The following SCIMP variants were observed in gnomAD, a reference collection of about 807,000 sequenced individuals.
SCIMP encodes the protein SLP adaptor and CSK interacting membrane protein.
In SCIMP, 18 loss-of-function variants were observed where a neutral mutation model predicts 22.0. The observed-to-expected ratio is 0.82, with a 90% CI of 0.56 to 1.21. The LOEUF (loss-of-function observed/expected upper bound fraction) is 1.21, where lower values mean the gene tolerates loss of function less well. SCIMP is among the 50% of genes most tolerant of loss of function. The pLI is 0.00. For synonymous variants in SCIMP, 53 were observed against 62.2 expected, an observed-to-expected ratio of 0.85 and a Z score of 0.70; for missense variants, 155 against 171.2, an observed-to-expected ratio of 0.91 and a Z score of 0.53.
chr17:5,233,354 T>C (rs1235368616), intron 1 of SCIMP, among the ~76,000 whole-genome samples: 4 of 140,896 alleles, frequency 2.8e-5, no homozygotes, highest in African/African-American at 1.0e-4. Flanking sequence ...TGTCCCTTCC[T>C]TGCTTTAAGC....
intron 2 of SCIMP, among the ~76,000 whole-genome samples, chr17:5,222,281 C>T (rs773182988): frequency 1.1e-4 from 16 of 151,278 alleles, no homozygotes; most frequent in South Asian, 4.2e-4. Flanking sequence ...TAAGTAGAAA[C>T]GGGGTTTCAC....
At chr17:5,217,448 C>A (rs1049125206) in intron 3 of SCIMP, among the ~76,000 whole-genome samples, 4 of 151,234 alleles carry the variant, frequency 2.6e-5, no homozygotes, top group Non-Finnish European at 4.4e-5. Flanking sequence ...TTTTAGGGTA[C>A]ATGTGCACAA....
At chr17:5,217,736 A>G (rs1254869137) in intron 3 of SCIMP, among the ~76,000 whole-genome samples, 1 of 152,024 alleles carries the variant, frequency 6.6e-6, no homozygotes, top group Non-Finnish European at 1.5e-5. Flanking sequence ...TACAAAGGAC[A>G]TGAACTCATC....
chr17:5,221,846 C>A (rs2074610241), intron 2 of SCIMP, among the ~76,000 whole-genome samples: 1 of 152,180 alleles, frequency 6.6e-6, no homozygotes, highest in Admixed American at 6.6e-5. Context: ...AATCTCGGCT[C>A]ACTGCAACCT....
chr17:5,221,144 G>A, intron 3 of SCIMP, 143 bp downstream of exon 3: 2 of 733,124 alleles, frequency 2.7e-6, no homozygotes, highest in Admixed American at 2.0e-5. Flanking sequence ...CTTATGTGGA[G>A]AGATTTGGCA....
chr17:5,214,898 A>G (rs1030725006), intron 4 of SCIMP, 27 bp downstream of exon 4: 4 of 1,311,672 alleles, frequency 3.0e-6, no homozygotes, highest in Middle Eastern at 3.7e-4. Flanking sequence ...ACCCTAAATG[A>G]AACTGCTACC....
At chr17:5,218,402 C>T (rs535012342) in intron 3 of SCIMP, among the ~76,000 whole-genome samples, 2 of 151,834 alleles carry the variant, frequency 1.3e-5, no homozygotes, top group Admixed American at 6.6e-5. Context: ...TGCAGTGGCA[C>T]GATCTTGGAT....
intron 1 of SCIMP, among the ~76,000 whole-genome samples, chr17:5,230,137 G>A (rs1378978732): frequency 6.6e-6 from 1 of 152,106 alleles, no homozygotes; most frequent in Non-Finnish European, 1.5e-5. Flanking sequence ...AGAGGGAATA[G>A]GTTTCCTGTT....
chr17:5,210,719 C>A lies in SCIMP; in HGVS notation c.*82G>T, dbSNP rs76257348. On this transcript the variant is annotated 3_prime_UTR_variant, in exon 5 of 5. Coordinates refer to ENST00000574081, the MANE Select transcript of SCIMP (RefSeq NM_207103.3). ...CTGGCTTTCAGGGCCCAGAGACCTA[C>A]TGAAGTTCAACCATTCTTGATTGTT... 0.064 allele frequency: 97,438 copies of A among 1,528,918 alleles called. 3,462 individuals are homozygous for A. Among genetic ancestry groups the A allele is most frequent in the East Asian group, 0.15 (6,774 of 44,230 alleles). The allele number at this position is 1,528,918 out of a possible 1,614,324, so 94.7% of individuals were successfully genotyped here.
chr17:5,209,452 G>A lies in SCIMP; in HGVS notation c.*1349C>T, dbSNP rs1475296112. ...TAGAGTCTGGAAAGAGAGAACCAGGGAGGAAGCCCAGGTCCCCAGTGCTCC... is the reference window on the plus strand; with the variant it reads ...TAGAGTCTGGAAAGAGAGAACCAGGAAGGAAGCCCAGGTCCCCAGTGCTCC... On this transcript the variant is annotated 3_prime_UTR_variant, in exon 5 of 5. Transcript: ENST00000574081. 1.3e-5 allele frequency: 2 copies of A among 152,330 alleles called. No homozygotes were observed. The highest frequency in any genetic ancestry group is 1.9e-4 in the East Asian group (1 of 5,192). The allele number at this position is 152,330 out of a possible 1,614,324, so 9.4% of individuals were successfully genotyped here.
At chr17:5,218,637 C>T (rs567486864) in intron 3 of SCIMP, among the ~76,000 whole-genome samples, 2 of 152,254 alleles carry the variant, frequency 1.3e-5, no homozygotes, top group East Asian at 3.9e-4. Context: ...CTGCACCTGG[C>T]CCCAGTTTTA....
rs191647889 is a variant in SCIMP at position 5,212,158 on chromosome 17, G to A, written c.284-1203C>T. Reference sequence around the variant, plus strand: ...CTCAGCTCCATCTTTGATGGGGATTGGAACTGCCTCTCCCACAATCTCATC... The same window carrying A: ...CTCAGCTCCATCTTTGATGGGGATTAGAACTGCCTCTCCCACAATCTCATC... On this transcript the variant is annotated intron_variant, in intron 4 of 4. Transcript: ENST00000574081. 4.2e-4 allele frequency among the ~76,000 whole-genome samples: 64 copies of A among 152,346 alleles called. 4 individuals are homozygous for A. Among genetic ancestry groups the A allele is most frequent in the Admixed American group, 3.1e-3 (47 of 15,296 alleles).
intron 1 of SCIMP, among the ~76,000 whole-genome samples, chr17:5,230,497 G>C (rs1439316383): frequency 6.6e-6 from 1 of 152,150 alleles, no homozygotes; most frequent in African/African-American, 2.4e-5. Context: ...ATGAGAAGAA[G>C]GGATGGAAAG....
chr17:5,212,070 A>G (rs934428431), intron 4 of SCIMP, among the ~76,000 whole-genome samples: 3 of 151,880 alleles, frequency 2.0e-5, no homozygotes, highest in Admixed American at 6.6e-5. Flanking sequence ...AGAAAGAAAG[A>G]AAAAGAAACA....
Position 5,210,727 on chromosome 17 carries a change from C to G in SCIMP, c.*74G>C. ...CAGGGCCCAGAGACCTACTGAAGTT[C>G]AACCATTCTTGATTGTTTTAAAATA... On this transcript the variant is annotated 3_prime_UTR_variant, in exon 5 of 5. Coordinates refer to ENST00000574081, the MANE Select transcript of SCIMP (RefSeq NM_207103.3). 1 of 1,542,306 alleles carries G rather than the reference C, an allele frequency of 6.5e-7. No homozygotes were observed. The highest frequency in any genetic ancestry group is 1.4e-5 in the African/African-American group (1 of 72,360).
At chr17:5,217,402 G>C (rs2074572930) in intron 3 of SCIMP, among the ~76,000 whole-genome samples, 1 of 151,530 alleles carries the variant, frequency 6.6e-6, no homozygotes. Context: ...GTGTGTGTGT[G>C]TGTGTGTGTT....
Position 5,214,985 on chromosome 17 carries a change from C to T in SCIMP, c.223G>A (p.Glu75Lys). The change falls in exon 4 of 5, where the codon GAG (glutamate) becomes AAG (lysine). Residue 75 changes from glutamate to lysine, a missense_variant. By Grantham distance (56) the Glu-to-Lys change is moderately conservative. Transcript: ENST00000574081. ...EEKMYENVLN[E>K]SPVQLPPLPP... ...AGAGGCGGTAATTGAACTGGCGACT[C>T]ATTAAGAACATTCCTAGAGAGAGAG... 1 of 1,607,998 alleles carries T rather than the reference C, an allele frequency of 6.2e-7. No homozygotes were observed. The highest frequency in any genetic ancestry group is 1.1e-5 in the South Asian group (1 of 90,938).
intron 1 of SCIMP, among the ~76,000 whole-genome samples, chr17:5,232,406 C>A (rs2074708687): frequency 1.2e-5 from 1 of 86,778 alleles, no homozygotes; most frequent in African/African-American, 3.6e-5. Context: ...ACAGTATAAA[C>A]AGTGCAAACA....
Position 5,226,077 on chromosome 17 carries a change from A to G in SCIMP, c.22-2621T>C, listed in dbSNP as rs1402960663. On this transcript the variant is annotated intron_variant, in intron 1 of 4. Coordinates refer to ENST00000574081, the MANE Select transcript of SCIMP (RefSeq NM_207103.3). ...AGAACAGAGGAAAAACACCGCTTGC[A>G]GAGTTTTTCCTGAAACAATACTCTT... Among the ~76,000 whole-genome samples the G allele has an allele frequency of 3.9e-5, 6 of 152,316 alleles. No individual in the cohort carries two copies. In the East Asian group the frequency reaches 1.2e-3, roughly 29 times the overall value.
Sources: allele counts gnomAD v4.1 joint callset (sites outside exome capture counted in the v4.1 genomes callset), GRCh38; gene constraint gnomAD v4.1.1; transcripts MANE v1.5; gene names NCBI Gene and HGNC (gene_info 2026-07-23, HGNC 2026-07-21).